The following DLGAP2 variants were observed in gnomAD, a reference collection of about 807,000 sequenced individuals.
DLGAP2 encodes the protein DLG associated protein 2.
In DLGAP2, 26 loss-of-function variants were observed where a neutral mutation model predicts 100.3. That is an observed-to-expected ratio of 0.26 (90% CI 0.19 to 0.36). The LOEUF (loss-of-function observed/expected upper bound fraction) is 0.36, where lower values mean the gene tolerates loss of function less well. Ranked by LOEUF, DLGAP2 falls within the 10% of genes least tolerant of loss-of-function variation. DLGAP2 has a pLI of 1.00. For missense variants in DLGAP2, 1,858 were observed against 1,453.2 expected (o/e 1.28, Z -4.53); for synonymous variants, 886 against 630.1 (o/e 1.41, Z -6.08).
chr8:1,098,603 C>A (rs1804470532), intron 2 of DLGAP2, among the ~76,000 whole-genome samples: 1 of 106,892 alleles, frequency 9.4e-6, no homozygotes, highest in South Asian at 2.7e-4. Context: ...AGGCTCCCGG[C>A]CGCCCACGGG....
chr8:804,507 G>T (rs1796229471), intron 1 of DLGAP2, among the ~76,000 whole-genome samples: 2 of 152,156 alleles, frequency 1.3e-5, no homozygotes, highest in South Asian at 4.1e-4. Context: ...GTGTTATCAG[G>T]TGACGAGATG....
intron 1 of DLGAP2, among the ~76,000 whole-genome samples, chr8:902,265 C>T (rs779947383): frequency 6.6e-6 from 1 of 152,096 alleles, no homozygotes; most frequent in Non-Finnish European, 1.5e-5. Context: ...CCTCGCTGAG[C>T]CCCCATGGTA....
At chr8:1,197,918 G>T (rs1797787929) in intron 2 of DLGAP2, among the ~76,000 whole-genome samples, 1 of 152,180 alleles carries the variant, frequency 6.6e-6, no homozygotes, top group Non-Finnish European at 1.5e-5. Flanking sequence ...GAATCAGGGT[G>T]CATCCTCCCA....
intron 2 of DLGAP2, among the ~76,000 whole-genome samples, chr8:1,212,104 A>G (rs1162716553): frequency 6.6e-6 from 1 of 152,198 alleles, no homozygotes; most frequent in East Asian, 1.9e-4. Flanking sequence ...GGGGATGTGC[A>G]GTGACTCAGA....
At chr8:1,700,066 T>G (rs1799524079) in intron 14 of DLGAP2, among the ~76,000 whole-genome samples, 1 of 152,206 alleles carries the variant, frequency 6.6e-6, no homozygotes. Context: ...TAAGAGTCAT[T>G]GCTTCTGGCC....
chr8:1,342,983 C>G (rs536965007), intron 3 of DLGAP2, among the ~76,000 whole-genome samples: 2 of 152,158 alleles, frequency 1.3e-5, no homozygotes, highest in African/African-American at 4.8e-5. Context: ...TGCATGGGTG[C>G]GGGGTGCTGG....
chr8:1,597,247 A>G (rs1796485803), intron 6 of DLGAP2, among the ~76,000 whole-genome samples: 1 of 152,178 alleles, frequency 6.6e-6, no homozygotes, highest in Non-Finnish European at 1.5e-5. Context: ...TACTAGTACC[A>G]TCCTGTTTGG....
chr8:1,275,652 A>G (rs368226666), intron 3 of DLGAP2, among the ~76,000 whole-genome samples: 2 of 147,748 alleles, frequency 1.4e-5, no homozygotes, highest in East Asian at 3.9e-4. Flanking sequence ...TTCTCACTCT[A>G]GGGCTTCTGG....
At chr8:1,091,302 T>G (rs2129041552) in intron 2 of DLGAP2, among the ~76,000 whole-genome samples, 1 of 152,330 alleles carries the variant, frequency 6.6e-6, no homozygotes, top group South Asian at 2.1e-4. Context: ...TGCCGGCACC[T>G]TGTCTGTAAA....
chr8:1,658,438 C>T (rs1019632871), intron 8 of DLGAP2, among the ~76,000 whole-genome samples: 2 of 152,114 alleles, frequency 1.3e-5, no homozygotes, highest in African/African-American at 4.8e-5. Flanking sequence ...GCAGAACGTG[C>T]AGTTTTGTTA....
In DLGAP2 at chr8:1,704,235, G is replaced by C. The variant is rs761956940; in HGVS notation, c.*2829G>C. The C allele has an allele frequency of 7.2e-5, 11 of 152,242 alleles. No individual in the cohort carries two copies. Among genetic ancestry groups the C allele is most frequent in the Non-Finnish European group, 1.0e-4 (7 of 68,038 alleles). The allele number at this position is 152,242 out of a possible 1,614,324, so 9.4% of individuals were successfully genotyped here. On this transcript the variant is annotated 3_prime_UTR_variant, in exon 15 of 15. Transcript: ENST00000637795. ...TCAAGAAAAGAGTAAACATCCATTG[G>C]AGAACACGGCTGAAAATTATTGTGC...
chr8:1,135,698 C>T (rs547681790), intron 2 of DLGAP2, among the ~76,000 whole-genome samples: 3 of 152,010 alleles, frequency 2.0e-5, no homozygotes, highest in South Asian at 2.1e-4. Context: ...GCTAAGCCTT[C>T]GTTTGAAAAA....
At chr8:1,360,593 CAG>C (rs896129505) in intron 3 of DLGAP2, among the ~76,000 whole-genome samples, 2 of 152,136 alleles carry the variant, frequency 1.3e-5, no homozygotes, top group Non-Finnish European at 2.9e-5. Flanking sequence ...GAAAAGCACA[CAG>C]GGAATCCACA....
intron 3 of DLGAP2, among the ~76,000 whole-genome samples, chr8:1,329,030 T>A (rs938512146): frequency 6.6e-6 from 1 of 152,224 alleles, no homozygotes; most frequent in Non-Finnish European, 1.5e-5. Context: ...GCTGGGCACA[T>A]GTGTGCTGCT....
chr8:1,214,559 CCTT>C (rs1206737839), intron 2 of DLGAP2, among the ~76,000 whole-genome samples: 1 of 152,204 alleles, frequency 6.6e-6, no homozygotes, highest in African/African-American at 2.4e-5. Context: ...AGTGGAGTAA[CCTT>C]CTCACACGGC....
chr8:985,570 T>C (rs778615414), intron 2 of DLGAP2, among the ~76,000 whole-genome samples: 10 of 152,246 alleles, frequency 6.6e-5, no homozygotes, highest in Non-Finnish European at 1.2e-4. Flanking sequence ...TTTATTATGC[T>C]GTGAAGGAGA....
intron 3 of DLGAP2, among the ~76,000 whole-genome samples, chr8:1,477,020 C>T (rs1483469810): frequency 6.8e-6 from 1 of 147,738 alleles, no homozygotes; most frequent in East Asian, 2.9e-4. Flanking sequence ...CCTGTGAAGA[C>T]AGGTTTATTC....
At chr8:900,293 C>T (rs1318871191) in intron 1 of DLGAP2, among the ~76,000 whole-genome samples, 9 of 146,186 alleles carry the variant, frequency 6.2e-5, no homozygotes, top group African/African-American at 7.7e-5. Context: ...GCGTCGCTCC[C>T]GGGCGGACGG....
intron 3 of DLGAP2, among the ~76,000 whole-genome samples, chr8:1,291,329 G>A (rs1300953613): frequency 1.3e-5 from 2 of 152,160 alleles, no homozygotes; most frequent in African/African-American, 2.4e-5. Flanking sequence ...TGGGAAAAGT[G>A]TGAAAATGGA....
Sources: allele counts gnomAD v4.1 joint callset (sites outside exome capture counted in the v4.1 genomes callset), GRCh38; gene constraint gnomAD v4.1.1; transcripts MANE v1.5; gene names NCBI Gene and HGNC (gene_info 2026-07-23, HGNC 2026-07-21).